Variants in LHX6 observed in about 807,000 individuals in gnomAD.
The protein encoded by LHX6 is LIM/homeobox protein Lhx6.
LHX6 carries 15 observed loss-of-function variants against 47.1 expected under a neutral mutation model. The observed-to-expected ratio is 0.32, with a 90% CI of 0.21 to 0.49. The LOEUF (loss-of-function observed/expected upper bound fraction) is 0.49, where lower values mean the gene tolerates loss of function less well. Among genes scored for constraint, LHX6 ranks in the 20% least tolerant of loss-of-function variants. The pLI is 0.99. For missense variants in LHX6, 404 were observed against 539.6 expected, an observed-to-expected ratio of 0.75 and a Z score of 2.49; for synonymous variants, 242 against 233.5, an observed-to-expected ratio of 1.04 and a Z score of -0.33.
intron 5 of LHX6, among the ~76,000 whole-genome samples, chr9:122,216,579 C>A (rs1830600461): frequency 6.6e-6 from 1 of 152,202 alleles, no homozygotes; most frequent in South Asian, 2.1e-4. Context: ...GATGAAAACC[C>A]TTCCTCAAAC....
chr9:122,228,280 C>T (rs1348505718), intron 1 of LHX6: 2 of 1,535,006 alleles, frequency 1.3e-6, no homozygotes, highest in South Asian at 1.2e-5. Context: ...GAAAAAGCAC[C>T]CTCCAGCCCC....
intron 4 of LHX6, among the ~76,000 whole-genome samples, chr9:122,222,830 TC>T (rs1483812318): frequency 1.3e-5 from 2 of 152,138 alleles, no homozygotes; most frequent in African/African-American, 2.4e-5. Flanking sequence ...ATCTCCATGC[TC>T]CCCCTCCATG....
intron 9 of LHX6, among the ~76,000 whole-genome samples, chr9:122,208,067 C>T (rs1830251868): frequency 6.6e-6 from 1 of 152,142 alleles, no homozygotes; most frequent in African/African-American, 2.4e-5. Context: ...ACCCAGCAGT[C>T]TCTGAAGACT....
Position 122,204,742 on chromosome 9 carries a change from G to A in LHX6, c.*18C>T. 6.3e-7 allele frequency: 1 copy of A among 1,599,500 alleles called. No homozygotes were observed. The highest frequency in any genetic ancestry group is 1.1e-5 in the South Asian group (1 of 88,278). Reference sequence around the variant, plus strand: ...AGCTGTGGGGCGCCCACGGGCAGATGCGGAAGTGCCGGCAGCGTTAGTACT... The same window carrying A: ...AGCTGTGGGGCGCCCACGGGCAGATACGGAAGTGCCGGCAGCGTTAGTACT... On this transcript the variant is annotated 3_prime_UTR_variant, in exon 10 of 10. Coordinates refer to ENST00000394319, the MANE Select transcript of LHX6 (RefSeq NM_014368.5).
intron 4 of LHX6, among the ~76,000 whole-genome samples, chr9:122,224,508 C>T (rs528056688): frequency 1.7e-4 from 26 of 152,130 alleles, no homozygotes; most frequent in Non-Finnish European, 2.1e-4. Flanking sequence ...CACACACAGC[C>T]GTCCAGATTC....
intron 4 of LHX6, among the ~76,000 whole-genome samples, chr9:122,220,516 A>G (rs1245639016): frequency 4.6e-5 from 7 of 152,220 alleles, no homozygotes; most frequent in Non-Finnish European, 7.3e-5. Context: ...GGCCGGAGCC[A>G]CTGGATTCCA....
chr9:122,219,433 G>C (rs1830733574), intron 4 of LHX6, among the ~76,000 whole-genome samples: 1 of 152,208 alleles, frequency 6.6e-6, no homozygotes, highest in Non-Finnish European at 1.5e-5. Context: ...CGCAGTAAAG[G>C]GGAGAGGAAA....
In LHX6 at chr9:122,213,686, G is replaced by T; in HGVS notation, c.974C>A (p.Ala325Asp). 1.2e-6 allele frequency: 2 copies of T among 1,612,762 alleles called. No individual in the cohort carries two copies. Among genetic ancestry groups the T allele is most frequent in the Non-Finnish European group, 1.7e-6 (2 of 1,179,824 alleles). Residue 325 changes from alanine (A) to aspartate (D), a missense_variant, in exon 8 of 10, where the codon GCC becomes GAC. Coordinates refer to ENST00000394319, the MANE Select transcript of LHX6 (RefSeq NM_014368.5). This position sits in a 1 kb window ranked among gnomAD's most constrained non-coding sequence, Gnocchi z 5.5. ...GGTGTAGTGGATGTCGTCGGACAGG[G>T]CGGAGGGAAGGCGGGACGGGGGCGC... ...SGAPPSRLPS[A>D]LSDDIHYTPF...
Position 122,214,153 on chromosome 9 carries a change from A to G in LHX6, c.784-84T>C. 1 of 1,453,868 alleles carries G rather than the reference A, an allele frequency of 6.9e-7. No individual in the cohort carries two copies. The highest frequency in any genetic ancestry group is 9.3e-7 in the Non-Finnish European group (1 of 1,077,320). 90.1% of individuals were successfully genotyped at this position (1,453,868 alleles called of 1,614,324 possible). On this transcript the variant is annotated intron_variant, in intron 6 of 9. Transcript: ENST00000394319. This position sits in a 1 kb window ranked among gnomAD's most constrained non-coding sequence, Gnocchi z 4.6. The stretch of plus-strand genomic sequence containing the variant: ...AATCAGCGGCGCCAGTCCACAGGCC[A>G]CGCCCCAGGCAGCTGCGGCCCCGCC...
Position 122,202,778 on chromosome 9 carries a change from G to C in LHX6, c.*1982C>G, listed in dbSNP as rs1044256893. 6.6e-6 allele frequency: 1 copy of C among 152,402 alleles called. No homozygotes were observed. The highest frequency in any genetic ancestry group is 2.4e-5 in the African/African-American group (1 of 41,364). 9.4% of individuals were successfully genotyped at this position (152,402 alleles called of 1,614,324 possible). Reference sequence around the variant, plus strand: ...AGTCTTGATGGCCTGTACGTTCCCAGGCTGCTCTTAACAGGGTAGTGGAGA... The same window carrying C: ...AGTCTTGATGGCCTGTACGTTCCCACGCTGCTCTTAACAGGGTAGTGGAGA... On this transcript the variant is annotated 3_prime_UTR_variant, in exon 10 of 10. Coordinates refer to ENST00000394319, the MANE Select transcript of LHX6 (RefSeq NM_014368.5).
At chr9:122,228,631 G>A (rs1451991224) in intron 1 of LHX6, 26 bp downstream of exon 1, 3 of 1,300,344 alleles carry the variant, frequency 2.3e-6, no homozygotes, top group Non-Finnish European at 2.9e-6. Context: ...GGCCCGGGCC[G>A]CTCACCCAGT....
In LHX6 at chr9:122,217,165, C is replaced by G; in HGVS notation, c.585G>C (p.Leu195=). 6.2e-7 allele frequency: 1 copy of G among 1,614,246 alleles called. No homozygotes were observed. The highest frequency in any genetic ancestry group is 8.5e-7 in the Non-Finnish European group (1 of 1,180,044). Residue 195 remains leucine, a synonymous_variant, in exon 5 of 10, where the codon CTG becomes CTC. Transcript: ENST00000394319. This position sits in a 1 kb window ranked among gnomAD's most constrained non-coding sequence, Gnocchi z 4.9. ...CFACFSCKRQ[L]STGEEFGLVE... ...CCAGGCCGAACTCCTCACCAGTGGA[C>G]AGCTGGCGCTTGCACGAGAAGCAGG...
intron 8 of LHX6, among the ~76,000 whole-genome samples, chr9:122,212,231 A>G (rs1830424361): frequency 6.6e-6 from 1 of 152,110 alleles, no homozygotes; most frequent in South Asian, 2.1e-4. Context: ...AAACTCACCC[A>G]CTGTCACACA....
chr9:122,212,821 C>A (rs1830445587), intron 8 of LHX6, among the ~76,000 whole-genome samples: 1 of 152,202 alleles, frequency 6.6e-6, no homozygotes, highest in South Asian at 2.1e-4. Flanking sequence ...AGCACAGAAG[C>A]TTTGGTCTAC....
chr9:122,222,616 G>A (rs373114438), intron 4 of LHX6, among the ~76,000 whole-genome samples: 19 of 152,336 alleles, frequency 1.2e-4, no homozygotes, highest in African/African-American at 4.3e-4. Flanking sequence ...GGACCTCCAT[G>A]TCTTCTCTAA....
intron 4 of LHX6, among the ~76,000 whole-genome samples, chr9:122,222,071 G>A (rs1830886153): frequency 6.6e-6 from 1 of 152,216 alleles, no homozygotes; most frequent in Admixed American, 6.5e-5. Context: ...TCCTGGCTTA[G>A]ACAAGAACTC....
rs534092061 is a variant in LHX6 at position 122,226,814 on chromosome 9, G to A, written c.339+34C>T. The stretch of plus-strand genomic sequence containing the variant: ...TCTCCTGCGCTGCGTCCCACGCCCC[G>A]ACAACACGCACGCAACACCTACCCC... On this transcript the variant is annotated intron_variant, in intron 3 of 9. Transcript: ENST00000394319. This position sits in a 1 kb window ranked among gnomAD's most constrained non-coding sequence, Gnocchi z 6.5. 5.3e-5 allele frequency: 82 copies of A among 1,548,108 alleles called. No homozygotes were observed. In the East Asian group the frequency reaches 1.9e-3, roughly 37 times the overall value.
intron 4 of LHX6, among the ~76,000 whole-genome samples, chr9:122,222,223 T>C (rs1830891886): frequency 6.6e-6 from 1 of 152,138 alleles, no homozygotes; most frequent in African/African-American, 2.4e-5. Context: ...GGCCATGCCC[T>C]ATTGTAGGGC....
chr9:122,208,034 T>G lies in LHX6; in HGVS notation c.1158+1580A>C, dbSNP rs533497099. Among the ~76,000 whole-genome samples the G allele has an allele frequency of 8.5e-5, 13 of 152,242 alleles. No individual in the cohort carries two copies. In the East Asian group the frequency reaches 2.3e-3, roughly 27 times the overall value. On this transcript the variant is annotated intron_variant, in intron 9 of 9. Transcript: ENST00000394319. Reference sequence around the variant, plus strand: ...ACACCCACTGACCTCCAGGGATCCCTGCTTCCTACTGGGTGTCCTCCAACC... The same window carrying G: ...ACACCCACTGACCTCCAGGGATCCCGGCTTCCTACTGGGTGTCCTCCAACC...
Sources: allele counts gnomAD v4.1 joint callset (sites outside exome capture counted in the v4.1 genomes callset), GRCh38; gene constraint gnomAD v4.1.1; non-coding constraint Gnocchi (gnomAD v3.1); transcripts MANE v1.5; gene names NCBI Gene and HGNC (gene_info 2026-07-23, HGNC 2026-07-21).